Variants in STARD6 observed in about 807,000 individuals in gnomAD.
STARD6 encodes the protein stAR-related lipid transfer protein 6.
A neutral mutation model predicts 22.3 loss-of-function variants in STARD6; 21 were observed. That is an observed-to-expected ratio of 0.94 (90% confidence interval 0.67 to 1.35). The LOEUF (loss-of-function observed/expected upper bound fraction) is 1.35, where lower values mean the gene tolerates loss of function less well. STARD6 is among the 40% of genes most tolerant of loss of function. The pLI is 0.00. For missense variants in STARD6, 269 were observed against 266.9 expected (o/e 1.01, Z -0.05); for synonymous variants, 80 against 88.1 (o/e 0.91, Z 0.52).
rs557882682 is a variant in STARD6, at chr18:54,327,729, A to T, written c.479+1618T>A. Among the ~76,000 whole-genome samples, 3 of 152,324 alleles carry T rather than the reference A, an allele frequency of 2.0e-5. No homozygotes were observed. The East Asian group carries it at 5.8e-4, about 29-fold the overall frequency. On this transcript the variant is annotated intron_variant, in intron 7 of 7. Transcript: ENST00000307844. ...AATGTGCAAGAGAGAATATAGTTTTATAAAATTTTCAAGGGAGACTACCCT... is the reference window on the plus strand; with the variant it reads ...AATGTGCAAGAGAGAATATAGTTTTTTAAAATTTTCAAGGGAGACTACCCT...
chr18:54,325,383 C>T (rs947585069), intron 7 of STARD6, among the ~76,000 whole-genome samples: 4 of 152,036 alleles, frequency 2.6e-5, no homozygotes, highest in Non-Finnish European at 5.9e-5. Context: ...ACACTATGAA[C>T]TTCCTTCTGT....
intron 5 of STARD6, among the ~76,000 whole-genome samples, chr18:54,332,396 C>T (rs1477743850): frequency 6.6e-6 from 1 of 152,196 alleles, no homozygotes; most frequent in South Asian, 2.1e-4. Context: ...GCCAAACAAC[C>T]CTCCTTCTCA....
chr18:54,348,186 A>G (rs2089056355), intron 4 of STARD6, among the ~76,000 whole-genome samples: 1 of 152,160 alleles, frequency 6.6e-6, no homozygotes, highest in Non-Finnish European at 1.5e-5. Flanking sequence ...CAGCAGCGTG[A>G]AAATGAACTA....
rs542739076 is a variant in STARD6 at position 54,329,680 on chromosome 18, A to G, written c.386-240T>C. ...TTCTAAAGATGCTGTCAACTTCTGT[A>G]TACAAGAAAAATGGTTAAAAGTATC... On this transcript the variant is annotated intron_variant, in intron 6 of 7. Coordinates refer to ENST00000307844, the MANE Select transcript of STARD6 (RefSeq NM_139171.2). Among the ~76,000 whole-genome samples, 104 of 152,128 alleles carry G rather than the reference A, an allele frequency of 6.8e-4. 1 individual carries two copies. The South Asian group carries it at 0.02, about 29-fold the overall frequency.
intron 4 of STARD6, among the ~76,000 whole-genome samples, chr18:54,343,816 T>G (rs1258731205): frequency 1.1e-4 from 6 of 57,026 alleles, no homozygotes; most frequent in Admixed American, 1.4e-4. Context: ...GTCCGGGAGG[T>G]GAGGGGCGCC....
At chr18:54,328,314 A>T (rs1020633309) in intron 7 of STARD6, among the ~76,000 whole-genome samples, 5 of 152,198 alleles carry the variant, frequency 3.3e-5, no homozygotes, top group Admixed American at 1.3e-4. Context: ...AAGGTGCAAG[A>T]AGGGGACTTG....
At chr18:54,339,833 A>AT (rs1292962991) in intron 4 of STARD6, among the ~76,000 whole-genome samples, 3 of 152,190 alleles carry the variant, frequency 2.0e-5, no homozygotes, top group African/African-American at 7.2e-5. Flanking sequence ...ATACAGTATA[A>AT]TTACATATTT....
chr18:54,326,362 C>T (rs2088825389), intron 7 of STARD6, among the ~76,000 whole-genome samples: 1 of 136,534 alleles, frequency 7.3e-6, no homozygotes, highest in South Asian at 2.6e-4. Flanking sequence ...GACGGGGTCT[C>T]ACTCTGTCAC....
At chr18:54,331,176 T>C (rs1310541990) in intron 6 of STARD6, among the ~76,000 whole-genome samples, 1 of 152,186 alleles carries the variant, frequency 6.6e-6, no homozygotes, top group African/African-American at 2.4e-5. Context: ...TTAAGTTATC[T>C]GAGTCCATAG....
At chr18:54,353,064 A>G (rs749392197) in intron 4 of STARD6, among the ~76,000 whole-genome samples, 8 of 152,340 alleles carry the variant, frequency 5.3e-5, no homozygotes, top group Non-Finnish European at 8.8e-5. Context: ...GAGTGGGAGA[A>G]AGCATATCAG....
chr18:54,343,728 T>G (rs1599306219), intron 4 of STARD6, among the ~76,000 whole-genome samples: 2 of 53,998 alleles, frequency 3.7e-5, no homozygotes, highest in Non-Finnish European at 7.5e-5. Flanking sequence ...GGTGGGGGTG[T>G]CGGCCCCCCG....
chr18:54,349,454 T>A (rs557561292), intron 4 of STARD6, among the ~76,000 whole-genome samples: 1 of 152,230 alleles, frequency 6.6e-6, no homozygotes, highest in East Asian at 1.9e-4. Context: ...AGAAATGAGG[T>A]CAGAGAGGTA....
chr18:54,332,112 C>G (rs570870216), intron 5 of STARD6, among the ~76,000 whole-genome samples: 1 of 152,128 alleles, frequency 6.6e-6, no homozygotes, highest in East Asian at 1.9e-4. Flanking sequence ...GAAATTGAAG[C>G]CTAACAGATT....
At chr18:54,347,089 T>C (rs1165584330) in intron 4 of STARD6, among the ~76,000 whole-genome samples, 1 of 152,106 alleles carries the variant, frequency 6.6e-6, no homozygotes, top group East Asian at 1.9e-4. Flanking sequence ...AAAAATGAAT[T>C]AGTTCCACAA....
intron 4 of STARD6, among the ~76,000 whole-genome samples, chr18:54,349,087 C>A (rs144499340): frequency 4.6e-5 from 7 of 152,080 alleles, no homozygotes; most frequent in Admixed American, 1.3e-4. Context: ...TTAGTATCCT[C>A]ATCAAGTTTA....
At chr18:54,350,887 T>C (rs1264913992) in intron 4 of STARD6, among the ~76,000 whole-genome samples, 2 of 152,194 alleles carry the variant, frequency 1.3e-5, no homozygotes, top group Non-Finnish European at 2.9e-5. Context: ...AACTAGAGCC[T>C]TGTAGAATAG....
intron 4 of STARD6, among the ~76,000 whole-genome samples, chr18:54,350,440 T>A (rs4100689): frequency 1.3e-5 from 2 of 152,076 alleles, no homozygotes; most frequent in South Asian, 4.1e-4. Flanking sequence ...GTTACCTGTT[T>A]CCTCTGCCGA....
At chr18:54,335,743 A>G (rs551579213) in intron 5 of STARD6, among the ~76,000 whole-genome samples, 1 of 152,158 alleles carries the variant, frequency 6.6e-6, no homozygotes, top group South Asian at 2.1e-4. Flanking sequence ...ATGGTTTAAA[A>G]GTGTGTGGTA....
intron 5 of STARD6, among the ~76,000 whole-genome samples, chr18:54,332,543 C>G (rs1240455216): frequency 6.6e-6 from 1 of 152,222 alleles, no homozygotes; most frequent in East Asian, 1.9e-4. Context: ...ACAAAGGCTA[C>G]CTCCCACAGC....
Sources: allele counts gnomAD v4.1 joint callset (sites outside exome capture counted in the v4.1 genomes callset), GRCh38; gene constraint gnomAD v4.1.1; transcripts MANE v1.5; gene names NCBI Gene and HGNC (gene_info 2026-07-23, HGNC 2026-07-21).